The following WDR3 variants were observed in gnomAD, a reference collection of about 807,000 sequenced individuals.
The protein encoded by WDR3 is WD repeat-containing protein 3.
Under a neutral mutation model 123.7 loss-of-function variants are expected in WDR3, and 81 were observed. The ratio of observed to expected loss-of-function variants is 0.65; its 90% CI spans 0.55 to 0.79. WDR3 has a LOEUF of 0.79. Among genes scored for constraint, WDR3 ranks in the 30% least tolerant of loss-of-function variants. The pLI, the probability that WDR3 is intolerant of heterozygous loss-of-function variation, is 0.00. For synonymous variants in WDR3, 390 were observed against 388.8 expected, an observed-to-expected ratio of 1.00 and a Z score of -0.04; for missense variants, 1,027 against 1,123.2, an observed-to-expected ratio of 0.91 and a Z score of 1.22.
intron 10 of WDR3, among the ~76,000 whole-genome samples, chr1:117,943,114 A>T (rs1431877691): frequency 6.6e-6 from 1 of 151,702 alleles, no homozygotes; most frequent in Admixed American, 6.6e-5. Context: ...CACCACACTC[A>T]GCTAATTTTT....
chr1:117,929,776 G>C lies in WDR3; in HGVS notation c.-39G>C, dbSNP rs1650629570. The C allele has an allele frequency of 1.3e-5, 2 of 152,448 alleles. No homozygotes were observed. Among genetic ancestry groups the C allele is most frequent in the Admixed American group, 1.3e-4 (2 of 15,292 alleles). 9.4% of individuals were successfully genotyped at this position (152,448 alleles called of 1,614,324 possible). A position where few individuals can be genotyped will look rare whatever the true frequency, so the allele number is the denominator to read the frequency against. On this transcript the variant is annotated 5_prime_UTR_variant, in exon 1 of 27. Transcript: ENST00000349139. The stretch of plus-strand genomic sequence containing the variant: ...TCCAATCGGCTGGGAGCCTCGTGGA[G>C]GCTGAGGTGAGTCCTGGAGGTGCGT...
In WDR3 at chr1:117,964,025, C is replaced by T; in HGVS notation, c.*4578C>T. 1.4e-6 allele frequency: 2 copies of T among 1,446,484 alleles called. No homozygotes were observed. Among genetic ancestry groups the T allele is most frequent in the Non-Finnish European group, 1.9e-6 (2 of 1,065,550 alleles). 89.6% of individuals were successfully genotyped at this position (1,446,484 alleles called of 1,614,324 possible). A position where few individuals can be genotyped will look rare whatever the true frequency, so the allele number is the denominator to read the frequency against. ...ATAACATTTTAGAATCATAGAATTT[C>T]TTCTCTGGCAACATCAGTTCAATTT... On this transcript the variant is annotated 3_prime_UTR_variant, in exon 27 of 27. Coordinates refer to ENST00000349139, the MANE Select transcript of WDR3 (RefSeq NM_006784.3).
intron 3 of WDR3, among the ~76,000 whole-genome samples, chr1:117,935,839 G>C (rs1427663725): frequency 1.3e-5 from 2 of 151,546 alleles, no homozygotes; most frequent in Non-Finnish European, 3.0e-5. Context: ...ACAAGTCAGA[G>C]GACACTGAAA....
In WDR3 at chr1:117,960,526, T is replaced by G. The variant is rs1652930506; in HGVS notation, c.*1079T>G. 1 of 152,224 alleles carries G rather than the reference T, an allele frequency of 6.6e-6. No homozygotes were observed. The highest frequency in any genetic ancestry group is 1.5e-5 in the Non-Finnish European group (1 of 68,060). 9.4% of individuals were successfully genotyped at this position (152,224 alleles called of 1,614,324 possible). A position where few individuals can be genotyped will look rare whatever the true frequency, so the allele number is the denominator to read the frequency against. On this transcript the variant is annotated 3_prime_UTR_variant, in exon 27 of 27. Transcript: ENST00000349139. ...TCTGTGGTACTTATCAAGCATCAGC[T>G]TTTTCTTGTAATGTCATGACTTTTC... is the stretch of plus-strand genomic sequence containing the variant.
chr1:117,951,987 C>T lies in WDR3; in HGVS notation c.1815C>T (p.Leu605=), dbSNP rs539464529. ...TTTATTTCTCATAGGATGGAGCACTCATAGCAACTGGCTCCGCTGATAGGA... is the reference window on the plus strand; with the variant it reads ...TTTATTTCTCATAGGATGGAGCACTTATAGCAACTGGCTCCGCTGATAGGA... ...ICMDISHDGA[L]IATGSADRNV... The change falls in exon 17 of 27, where the codon CTC becomes CTT. Residue 605 remains leucine (L), a synonymous_variant. Transcript: ENST00000349139. 25 of 1,613,068 alleles carry T rather than the reference C, an allele frequency of 1.5e-5. 1 individual carries two copies. The East Asian group carries it at 2.2e-4, about 14-fold the overall frequency.
rs1652790244 is a variant in WDR3, at chr1:117,959,857, A to G, written c.*410A>G. 6.5e-6 allele frequency: 1 copy of G among 153,794 alleles called. No homozygotes were observed. The highest frequency in any genetic ancestry group is 1.4e-5 in the Non-Finnish European group (1 of 69,218). The allele number at this position is 153,794 out of a possible 1,614,324, so 9.5% of individuals were successfully genotyped here. On this transcript the variant is annotated 3_prime_UTR_variant, in exon 27 of 27. Coordinates refer to ENST00000349139, the MANE Select transcript of WDR3 (RefSeq NM_006784.3). ...TTATTTATATTAGGTTTTACTGCCT[A>G]TTGAGACAACCAGGTGCATAATTGA... is the stretch of plus-strand genomic sequence containing the variant.
chr1:117,940,284 T>C (rs543895849), intron 6 of WDR3, among the ~76,000 whole-genome samples: 7 of 152,208 alleles, frequency 4.6e-5, no homozygotes, highest in Non-Finnish European at 7.3e-5. Context: ...GATAGTATAA[T>C]AAGTAATATT....
At position 117,941,122 on chromosome 1, in the gene WDR3, A is replaced by T; in HGVS notation, c.790-2A>T. The stretch of plus-strand genomic sequence containing the variant: ...CTTCATCTGCTCTTGCTTCTTCTGT[A>T]GCGAATCCTTTCATGCAGAAAAGCT... On this transcript the variant is annotated splice_acceptor_variant, in intron 7 of 26. Transcript: ENST00000349139. LOFTEE classifies it high-confidence loss of function. The T allele has an allele frequency of 6.2e-7, 1 of 1,614,100 alleles. No individual in the cohort carries two copies. Among genetic ancestry groups the T allele is most frequent in the Non-Finnish European group, 8.5e-7 (1 of 1,180,004 alleles).
intron 5 of WDR3, among the ~76,000 whole-genome samples, 153 bp from the exon 6 acceptor site, chr1:117,939,324 T>G (rs1651058886): frequency 6.6e-6 from 1 of 152,240 alleles, no homozygotes; most frequent in Non-Finnish European, 1.5e-5. Context: ...GAGACTTCTC[T>G]TAGTGCATTT....
At chr1:117,933,250 C>T in intron 1 of WDR3, 38 bp from the exon 2 acceptor site, 2 of 1,561,092 alleles carry the variant, frequency 1.3e-6, no homozygotes, top group East Asian at 2.3e-5. Context: ...AGAACCAAGG[C>T]ACCCAAGGAG....
rs989581002 is a variant in WDR3, at chr1:117,961,872, C to A, written c.*2425C>A. On this transcript the variant is annotated 3_prime_UTR_variant, in exon 27 of 27. Transcript: ENST00000349139. ...TTCCAAGGAGTCAGTGTTGTTTAGG[C>A]AGCTATTCCTGCCACCAGGGAGAGG... is the stretch of plus-strand genomic sequence containing the variant. 1 of 152,202 alleles carries A rather than the reference C, an allele frequency of 6.6e-6. No individual in the cohort carries two copies. Among genetic ancestry groups the A allele is most frequent in the Non-Finnish European group, 1.5e-5 (1 of 67,972 alleles). The allele number at this position is 152,202 out of a possible 1,614,324, so 9.4% of individuals were successfully genotyped here. A position where few individuals can be genotyped will look rare whatever the true frequency, so the allele number is the denominator to read the frequency against.
chr1:117,930,760 AAG>A (rs1650684126), intron 1 of WDR3, among the ~76,000 whole-genome samples: 1 of 152,220 alleles, frequency 6.6e-6, no homozygotes, highest in African/African-American at 2.4e-5. Context: ...GAAAGAGGCA[AAG>A]AGAAGCAGTT....
At chr1:117,957,305 G>T in intron 25 of WDR3, 109 bp downstream of exon 25, 1 of 1,352,368 alleles carries the variant, frequency 7.4e-7, no homozygotes, top group South Asian at 1.7e-5. Flanking sequence ...TGCCGAACTC[G>T]GTGGCTCACA....
chr1:117,935,232 T>G (rs1650869878), intron 3 of WDR3, among the ~76,000 whole-genome samples: 1 of 152,196 alleles, frequency 6.6e-6, no homozygotes, highest in Non-Finnish European at 1.5e-5. Context: ...TTGATTTATA[T>G]AGCTAAAGCT....
In WDR3 at chr1:117,960,957, TC is replaced by T. The variant is rs1319449781; in HGVS notation, c.*1511del. ...TTCATCTGAAACTTTTCTCATTGTT[TC>T]AGATCTCCAAAAATTTTTCCAATAT... On this transcript the variant is annotated 3_prime_UTR_variant, in exon 27 of 27. Transcript: ENST00000349139. 1 of 152,240 alleles carries T rather than the reference TC, an allele frequency of 6.6e-6. No homozygotes were observed. Among genetic ancestry groups the T allele is most frequent in the Non-Finnish European group, 1.5e-5 (1 of 68,038 alleles). The allele number at this position is 152,240 out of a possible 1,614,324, so 9.4% of individuals were successfully genotyped here.
rs201509498 is a variant in WDR3, at chr1:117,959,358, G to C, written c.2743G>C (p.Val915Leu). The change falls in exon 27 of 27, where the codon GTT becomes CTT. Residue 915 changes from valine to leucine, a missense_variant. Physicochemically the swap from Val to Leu is conservative, Grantham distance 32. Coordinates refer to ENST00000349139, the MANE Select transcript of WDR3 (RefSeq NM_006784.3). ...GAGGGAATGCGAGGCAAAAAGTGAA[G>C]TTATGTTTTTTGCTGATGCTACTAG... is the stretch of plus-strand genomic sequence containing the variant. Reference protein sequence around the residue: ...LKRECEAKSEVMFFADATSHL... With the variant: ...LKRECEAKSELMFFADATSHL... 4.1e-5 allele frequency: 66 copies of C among 1,613,998 alleles called. No homozygotes were observed. Among genetic ancestry groups the C allele is most frequent in the Non-Finnish European group, 5.4e-5 (64 of 1,179,960 alleles).
At chr1:117,953,919 G>A (rs1380499477) in intron 21 of WDR3, 88 bp from the exon 22 acceptor site, 1 of 1,094,216 alleles carries the variant, frequency 9.1e-7, no homozygotes, top group African/African-American at 1.6e-5. Context: ...ATTTCATTTG[G>A]CAAATTTCTG....
intron 15 of WDR3, among the ~76,000 whole-genome samples, chr1:117,950,357 A>T (rs574739236): frequency 8.5e-5 from 13 of 152,336 alleles, no homozygotes; most frequent in Non-Finnish European, 1.3e-4. Context: ...TATGTTCAAA[A>T]AATCTTGTGG....
rs753752270 is a variant in WDR3, at chr1:117,943,417, AC to A, written c.1121del (p.Pro374LeufsTer5). The A allele has an allele frequency of 3.1e-6, 5 of 1,613,924 alleles. No individual in the cohort carries two copies. ...KIKSFDLIHS[P>X]HGELKAVFLL... ...ACAGGTCCTTTGACTTGATTCATTC[AC>A]CTCACGGAGAGTTAAAGGCTGTCTT... On this transcript the variant is annotated frameshift_variant, in exon 11 of 27. Coordinates refer to ENST00000349139, the MANE Select transcript of WDR3 (RefSeq NM_006784.3). LOFTEE classifies it high-confidence loss of function.
Sources: gnomAD v4.1 joint callset for allele counts (sites outside exome capture counted in the v4.1 genomes callset) on GRCh38, gnomAD v4.1.1 for gene constraint, MANE v1.5 for transcripts, NCBI Gene and HGNC (gene_info 2026-07-23, HGNC 2026-07-21) for gene names.